Variants in TTN observed in about 807,000 individuals in gnomAD.
The protein encoded by TTN is connectin.
In TTN, 1,525 loss-of-function variants were observed where a neutral mutation model predicts 3,223.0. The observed-to-expected ratio is 0.47, with a 90% CI of 0.45 to 0.49. The LOEUF (loss-of-function observed/expected upper bound fraction) is 0.49. TTN is among the 20% of genes least tolerant of loss of function. The probability of loss-of-function intolerance (pLI) is 0.00; values close to 1 mark genes in which losing one functional copy is unlikely to be tolerated. For synonymous variants in TTN, 14,094 were observed against 15,161.0 expected, an observed-to-expected ratio of 0.93 and a Z score of 5.17; for missense variants, 40,786 against 43,424.0, an observed-to-expected ratio of 0.94 and a Z score of 5.40.
Position 178,695,423 on chromosome 2 carries a change from C to G in TTN, c.31208-13G>C. ...CTCTCATGTGATTCTGAAATAAAAA[C>G]ACAGGAATAAGAAGGGATGCTTAAA... is the stretch of plus-strand genomic sequence containing the variant. On this transcript the variant is annotated splice_polypyrimidine_tract_variant and intron_variant, in intron 114 of 362. Transcript: ENST00000589042. The G allele has an allele frequency of 6.2e-7, 1 of 1,610,438 alleles. No homozygotes were observed. The highest frequency in any genetic ancestry group is 8.5e-7 in the Non-Finnish European group (1 of 1,177,254).
chr2:178,701,852 T>C (rs1039508028), intron 109 of TTN, among the ~76,000 whole-genome samples, 188 bp downstream of exon 109: 2 of 152,218 alleles, frequency 1.3e-5, no homozygotes, highest in African/African-American at 4.8e-5. Flanking sequence ...TATCTCTAAT[T>C]TGCCAGACTC....
At chr2:178,647,304 G>A (rs775019969) in intron 214 of TTN, 77 bp downstream of exon 214, 105 of 1,462,178 alleles carry the variant, frequency 7.2e-5, no homozygotes, top group African/African-American at 3.0e-4. Flanking sequence ...AGACAAATAC[G>A]TAAGATTCAT....
Position 178,676,002 on chromosome 2 carries a change from A to G in TTN, c.34379-7T>C. On this transcript the variant is annotated splice_polypyrimidine_tract_variant and splice_region_variant and intron_variant, in intron 147 of 362. Coordinates refer to ENST00000589042, the MANE Select transcript of TTN (RefSeq NM_001267550.2). ...TTCTTCTTAATTTCAGGCACTTTAA[A>G]GACATCATTTCATGATAAGGATTTA... 4 of 1,591,844 alleles carry G rather than the reference A, an allele frequency of 2.5e-6. No homozygotes were observed. The highest frequency in any genetic ancestry group is 2.6e-6 in the Non-Finnish European group (3 of 1,167,662).
chr2:178,553,099 G>A lies in TTN; in HGVS notation c.89801C>T (p.Pro29934Leu). The A allele has an allele frequency of 6.2e-7, 1 of 1,611,144 alleles. No individual in the cohort carries two copies. Among genetic ancestry groups the A allele is most frequent in the Non-Finnish European group, 8.5e-7 (1 of 1,177,838 alleles). Reference sequence around the variant, plus strand: ...AACCTGTAGTTTCTGGCAGGCAGCTGGTGTGTCAAGCACTTTAACACTCAC... The same window carrying A: ...AACCTGTAGTTTCTGGCAGGCAGCTAGTGTGTCAAGCACTTTAACACTCAC... ...STVSVKVLDT[P>L]AACQKLQVKH... The change falls in exon 335 of 363, where the codon CCA becomes CTA. Residue 29934 changes from proline (P) to leucine (L), a missense_variant. By Grantham distance (98) the Pro-to-Leu change is moderately conservative. Coordinates refer to ENST00000589042, the MANE Select transcript of TTN (RefSeq NM_001267550.2).
intron 349 of TTN, 172 bp from the exon 350 acceptor site, chr2:178,541,756 CATTTAATT>C (rs1230695266): frequency 9.4e-6 from 4 of 423,490 alleles, no homozygotes; most frequent in Non-Finnish European, 1.5e-5. Flanking sequence ...TAATTTAAAT[CATTTAATT>C]ATTTAATTAT....
chr2:178,682,428 T>G (rs560687834), intron 135 of TTN, among the ~76,000 whole-genome samples: 1 of 152,044 alleles, frequency 6.6e-6, no homozygotes, highest in African/African-American at 2.4e-5. Flanking sequence ...TAGGGACATT[T>G]GCTATTTTGC....
rs1264446605 is a variant in TTN, at chr2:178,804,473, G to C, written c.91+79C>G. 2.8e-6 allele frequency: 4 copies of C among 1,414,780 alleles called. No homozygotes were observed. In the East Asian group the frequency reaches 9.3e-5, roughly 33 times the overall value. 87.6% of individuals were successfully genotyped at this position (1,414,780 alleles called of 1,614,324 possible). A position where few individuals can be genotyped will look rare whatever the true frequency, so the allele number is the denominator to read the frequency against. Reference sequence around the variant, plus strand: ...AGTGAAAGCAGGGCTTAAACTTGGCGTCAAGTCCTGCAGCAACGTTAACTT... The same window carrying C: ...AGTGAAAGCAGGGCTTAAACTTGGCCTCAAGTCCTGCAGCAACGTTAACTT... On this transcript the variant is annotated intron_variant, in intron 2 of 362. Transcript: ENST00000589042.
chr2:178,706,646 C>T lies in TTN; in HGVS notation c.29228G>A (p.Gly9743Asp). Reference protein sequence around the residue: ...KGKWRQLNQGGRVFIHQKGDE... With the variant: ...KGKWRQLNQGDRVFIHQKGDE... ...GCCTTTTTGGTGGATGAAAACACGA[C>T]CTCCTTGGTTCAGCTGTCTCCACTT... Residue 9743 changes from glycine to aspartate, a missense_variant, in exon 102 of 363, where the codon GGT becomes GAT. Gly to Asp is a moderately conservative substitution (Grantham distance 94, BLOSUM62 -1). Transcript: ENST00000589042. 2 of 1,613,936 alleles carry T rather than the reference C, an allele frequency of 1.2e-6. No individual in the cohort carries two copies. Among genetic ancestry groups the T allele is most frequent in the Non-Finnish European group, 1.7e-6 (2 of 1,179,838 alleles).
At position 178,717,810 on chromosome 2, in the gene TTN, G is replaced by T. The variant is rs2627043; in HGVS notation, c.25064C>A (p.Ala8355Glu). Residue 8355 changes from alanine (A) to glutamate (E), a missense_variant and splice_region_variant, in exon 87 of 363, where the codon GCG (alanine) becomes GAG (glutamate). Physicochemically the swap from Ala to Glu is moderately radical, Grantham distance 107 (BLOSUM62 -1). Coordinates refer to ENST00000589042, the MANE Select transcript of TTN (RefSeq NM_001267550.2). ...VASSAVLVIKARKLPPFFARK... is the reference protein window; with the variant it reads ...VASSAVLVIKERKLPPFFARK... Reference sequence around the variant, plus strand: ...TGCAAAGAAAGGTGGAAGTTTGCGCGCTGTAAAGAAGTTACAGATAATCCT... The same window carrying T: ...TGCAAAGAAAGGTGGAAGTTTGCGCTCTGTAAAGAAGTTACAGATAATCCT... The T allele has an allele frequency of 0.25, 395,106 of 1,600,868 alleles. 57,541 individuals are homozygous for T. The highest frequency in any genetic ancestry group is 0.65 in the East Asian group (28,944 of 44,670).
chr2:178,730,427 A>C, intron 61 of TTN, 56 bp from the exon 62 acceptor site: 1 of 1,551,996 alleles, frequency 6.4e-7, no homozygotes, highest in Non-Finnish European at 8.7e-7. Flanking sequence ...TTTATAACTT[A>C]GCAATAAAGG....
rs116400571 is a variant in TTN, at chr2:178,787,962, G to A, written c.2076+1398C>T. 3.8e-3 allele frequency among the ~76,000 whole-genome samples: 572 copies of A among 152,158 alleles called. 3 individuals are homozygous for A. Among genetic ancestry groups the A allele is most frequent in the African/African-American group, 0.013 (542 of 41,554 alleles). ...AGTTAAATGCTGAGAATAAATTTAG[G>A]AGACATAAAGAAGAGTATTATTTGG... On this transcript the variant is annotated intron_variant, in intron 13 of 362. Transcript: ENST00000589042.
At chr2:178,603,728 T>C in intron 282 of TTN, 148 bp downstream of exon 282, 1 of 736,276 alleles carries the variant, frequency 1.4e-6, no homozygotes, top group Non-Finnish European at 2.1e-6. Flanking sequence ...AAATATATAC[T>C]TCCGATAGTC....
chr2:178,536,964 G>C lies in TTN; in HGVS notation c.100145C>G (p.Ser33382Ter). The change falls in exon 356 of 363, where the codon TCA becomes TGA. Residue 33382 changes from serine to a stop codon, truncating the protein, a stop_gained. Coordinates refer to ENST00000589042, the MANE Select transcript of TTN (RefSeq NM_001267550.2). LOFTEE classifies it high-confidence loss of function. ...AAATGGACTCTTAATGATCACAACT[G>C]AGGACACTTCTAGAGGGTCACTGAT... is the stretch of plus-strand genomic sequence containing the variant. ...FGISDPLEVS[S>*]VVIIKSPFEK... 6.2e-7 allele frequency: 1 copy of C among 1,613,086 alleles called. No homozygotes were observed. The highest frequency in any genetic ancestry group is 8.5e-7 in the Non-Finnish European group (1 of 1,179,420).
rs886993522 is a variant in TTN at position 178,793,508 on chromosome 2, T to C, written c.1432A>G (p.Lys478Glu). 7 of 1,613,980 alleles carry C rather than the reference T, an allele frequency of 4.3e-6. No homozygotes were observed. The African/African-American group carries it at 5.3e-5, about 12-fold the overall frequency. Residue 478 changes from lysine (K) to glutamate (E), a missense_variant, in exon 9 of 363, where the codon AAG becomes GAG. Lys to Glu is a moderately conservative substitution (Grantham distance 56). Transcript: ENST00000589042. ...RKEAEKTAVT[K>E]VVVAADKAKE... ...GCTTTATCGGCGGCCACTACTACCTTAGTTACAGCAGTCTTCTCCGCTTCC... is the reference window on the plus strand; with the variant it reads ...GCTTTATCGGCGGCCACTACTACCTCAGTTACAGCAGTCTTCTCCGCTTCC...
intron 92 of TTN, 163 bp downstream of exon 92, chr2:178,713,734 G>C (rs1323452476): frequency 1.0e-6 from 1 of 991,168 alleles, no homozygotes; most frequent in East Asian, 2.6e-5. Flanking sequence ...TTTGAACATG[G>C]TTTTCTTCTA....
Position 178,756,816 on chromosome 2 carries a change from A to T in TTN, c.10679-19T>A. The T allele has an allele frequency of 6.2e-7, 1 of 1,601,076 alleles. No homozygotes were observed. The highest frequency in any genetic ancestry group is 1.3e-5 in the African/African-American group (1 of 74,534). On this transcript the variant is annotated intron_variant, in intron 45 of 362. Coordinates refer to ENST00000589042, the MANE Select transcript of TTN (RefSeq NM_001267550.2). ...GCTTGCACTGTATAATCAAGTGACA[A>T]GAAAAAGAAAAGAATATTAAGATCT... is the stretch of plus-strand genomic sequence containing the variant.
chr2:178,594,530 C>G lies in TTN; in HGVS notation c.57964G>C (p.Glu19322Gln). The G allele has an allele frequency of 6.2e-7, 1 of 1,613,368 alleles. No individual in the cohort carries two copies. Among genetic ancestry groups the G allele is most frequent in the East Asian group, 2.2e-5 (1 of 44,766 alleles). Residue 19322 changes from glutamate to glutamine, a missense_variant, in exon 296 of 363, where the codon GAA becomes CAA. By Grantham distance (29) the Glu-to-Gln change is conservative. Coordinates refer to ENST00000589042, the MANE Select transcript of TTN (RefSeq NM_001267550.2). The stretch of plus-strand genomic sequence containing the variant: ...TTCTCAGTCCCAATGAGCCGACTTT[C>G]TAGGACATAGTTAATAATTTCTGAC... The part of the protein sequence containing the change: ...GGSEIINYVL[E>Q]SRLIGTEKFH...
intron 20 of TTN, 35 bp downstream of exon 20, chr2:178,782,177 G>C: frequency 6.2e-7 from 1 of 1,611,342 alleles, no homozygotes. Flanking sequence ...TATTATACAA[G>C]TCACAGAGAA....
rs746129834 is a variant in TTN at position 178,740,350 on chromosome 2, G to A, written c.12883C>T (p.His4295Tyr). Residue 4295 changes from histidine (H) to tyrosine (Y), a missense_variant, in exon 48 of 363, where the codon CAC (histidine) becomes TAC (tyrosine). His to Tyr is a moderately conservative substitution (Grantham distance 83). Coordinates refer to ENST00000589042, the MANE Select transcript of TTN (RefSeq NM_001267550.2). The part of the protein sequence containing the change: ...VNYEPLVPSE[H>Y]SCTEGGKILI... ...ATTTTACCTCCTTCTGTGCATGAGT[G>A]TTCTGAAGGGACTAGGGGCTCATAG... 16 of 1,613,710 alleles carry A rather than the reference G, an allele frequency of 9.9e-6. No individual in the cohort carries two copies. In the South Asian group the frequency reaches 1.6e-4, roughly 17 times the overall value.
Sources: gnomAD v4.1 joint callset for allele counts (sites outside exome capture counted in the v4.1 genomes callset) on GRCh38, gnomAD v4.1.1 for gene constraint, MANE v1.5 for transcripts, NCBI Gene and HGNC (gene_info 2026-07-23, HGNC 2026-07-21) for gene names.